HIBADH: variants seen among roughly 807,000 people sequenced by gnomAD.
The protein encoded by HIBADH is 3-hydroxyisobutyrate dehydrogenase, mitochondrial.
HIBADH carries 25 observed loss-of-function variants against 36.1 expected under a neutral mutation model. The ratio of observed to expected loss-of-function variants is 0.69; its 90% CI spans 0.50 to 0.97. The LOEUF (loss-of-function observed/expected upper bound fraction) is 0.97. HIBADH is among the 50% of genes least tolerant of loss of function. The pLI, the probability that HIBADH is intolerant of heterozygous loss-of-function variation, is 0.00. For synonymous variants in HIBADH, 160 were observed against 149.5 expected (o/e 1.07, Z -0.51); for missense variants, 421 against 418.0 (o/e 1.01, Z -0.06).
At chr7:27,552,318 G>C (rs1052635488) in intron 4 of HIBADH, among the ~76,000 whole-genome samples, 1 of 152,146 alleles carries the variant, frequency 6.6e-6, no homozygotes, top group African/African-American at 2.4e-5. Flanking sequence ...ATAACCCCTT[G>C]TTAACACTAT....
At chr7:27,527,433 G>A (rs1287500087) in intron 7 of HIBADH, among the ~76,000 whole-genome samples, 2 of 152,210 alleles carry the variant, frequency 1.3e-5, no homozygotes, top group African/African-American at 4.8e-5. Context: ...AGCTGGGGAG[G>A]AGGGAGCTGG....
intron 1 of HIBADH, among the ~76,000 whole-genome samples, chr7:27,652,893 C>G (rs1786223288): frequency 6.6e-6 from 1 of 152,128 alleles, no homozygotes; most frequent in African/African-American, 2.4e-5. Context: ...CTTTGGGAGG[C>G]CAAAGTGGGT....
rs567351621 is a variant in HIBADH, at chr7:27,622,628, C to A, written c.484+6743G>T. Among the ~76,000 whole-genome samples, 6 of 151,964 alleles carry A rather than the reference C, an allele frequency of 3.9e-5. No individual in the cohort carries two copies. In the South Asian group the frequency reaches 1.2e-3, roughly 32 times the overall value. ...CTGATACCATAGAAATACAAAAGAT[C>A]ATCAGAGACTATTATGAACTACTAT... On this transcript the variant is annotated intron_variant, in intron 4 of 7. Transcript: ENST00000265395.
intron 4 of HIBADH, among the ~76,000 whole-genome samples, chr7:27,596,475 C>G (rs949596858): frequency 6.6e-6 from 1 of 152,206 alleles, no homozygotes; most frequent in Non-Finnish European, 1.5e-5. Context: ...GATGAAAAGA[C>G]TGGCAACATC....
intron 4 of HIBADH, among the ~76,000 whole-genome samples, chr7:27,611,436 T>C (rs1052204948): frequency 1.3e-5 from 2 of 152,186 alleles, no homozygotes. Context: ...GCATTCATTA[T>C]AGACGAGAGC....
chr7:27,598,082 A>C (rs1381434857), intron 4 of HIBADH, among the ~76,000 whole-genome samples: 1 of 152,226 alleles, frequency 6.6e-6, no homozygotes, highest in Non-Finnish European at 1.5e-5. Context: ...TCAATCAAAA[A>C]TTTATTTCCA....
chr7:27,610,592 T>C (rs1315379378), intron 4 of HIBADH, among the ~76,000 whole-genome samples: 2 of 152,306 alleles, frequency 1.3e-5, no homozygotes, highest in African/African-American at 4.8e-5. Flanking sequence ...TACTGTATAA[T>C]CGAAGCACTT....
At chr7:27,574,190 G>C (rs1784669614) in intron 4 of HIBADH, among the ~76,000 whole-genome samples, 1 of 101,116 alleles carries the variant, frequency 9.9e-6, no homozygotes, top group Admixed American at 1.0e-4. Flanking sequence ...TACAGAGTTA[G>C]AAAATCTCTT....
intron 2 of HIBADH, among the ~76,000 whole-genome samples, chr7:27,641,178 C>T (rs957449659): frequency 1.4e-5 from 2 of 147,690 alleles, no homozygotes; most frequent in Non-Finnish European, 3.0e-5. Context: ...TCTTCCAATA[C>T]ATGAAACAAT....
intron 4 of HIBADH, among the ~76,000 whole-genome samples, chr7:27,545,618 T>C (rs952976971): frequency 3.9e-5 from 6 of 152,222 alleles, no homozygotes; most frequent in African/African-American, 1.4e-4. Flanking sequence ...TGACACGCCA[T>C]TTTGATTCTA....
chr7:27,633,155 GACCACGA>G (rs975776786), intron 2 of HIBADH, among the ~76,000 whole-genome samples: 2 of 152,144 alleles, frequency 1.3e-5, no homozygotes, highest in Non-Finnish European at 2.9e-5. Context: ...CTTTAATAAT[GACCACGA>G]ACATACTGCA....
At chr7:27,583,682 T>C (rs993645303) in intron 4 of HIBADH, among the ~76,000 whole-genome samples, 1 of 152,044 alleles carries the variant, frequency 6.6e-6, no homozygotes, top group Non-Finnish European at 1.5e-5. Flanking sequence ...ATTTGGGTTA[T>C]TTCCAAGGCC....
At chr7:27,532,486 C>A (rs1784016546) in intron 6 of HIBADH, among the ~76,000 whole-genome samples, 1 of 152,108 alleles carries the variant, frequency 6.6e-6, no homozygotes, top group Non-Finnish European at 1.5e-5. Context: ...ATATCATGGC[C>A]AATAAAACAT....
At chr7:27,608,914 C>T (rs987065641) in intron 4 of HIBADH, among the ~76,000 whole-genome samples, 1 of 152,108 alleles carries the variant, frequency 6.6e-6, no homozygotes, top group Admixed American at 6.5e-5. Flanking sequence ...TCCAGCATAA[C>T]CATGTAAAGA....
intron 6 of HIBADH, among the ~76,000 whole-genome samples, chr7:27,531,993 C>T (rs1171872935): frequency 6.6e-6 from 1 of 152,150 alleles, no homozygotes; most frequent in Admixed American, 6.6e-5. Context: ...AGAGTTGTGA[C>T]ATATGCTATC....
chr7:27,542,424 G>A (rs1030964817), intron 5 of HIBADH, among the ~76,000 whole-genome samples: 1 of 140,264 alleles, frequency 7.1e-6, no homozygotes, highest in Non-Finnish European at 1.5e-5. Flanking sequence ...TCCTAATAAT[G>A]AATTTTTTTT....
intron 4 of HIBADH, among the ~76,000 whole-genome samples, chr7:27,605,597 A>G: frequency 7.0e-6 from 1 of 143,276 alleles, no homozygotes; most frequent in African/African-American, 2.8e-5. Context: ...AAAAAAAAAA[A>G]AAAAAAAAAA....
intron 2 of HIBADH, among the ~76,000 whole-genome samples, chr7:27,633,561 A>AGAT (rs1785785688): frequency 6.6e-6 from 1 of 152,184 alleles, no homozygotes; most frequent in African/African-American, 2.4e-5. Context: ...TGGGAGGCTA[A>AGAT]GATGGGAGGA....
rs146317837 is a variant in HIBADH, at chr7:27,580,567, A to C, written c.485-37467T>G. On this transcript the variant is annotated intron_variant, in intron 4 of 7. Coordinates refer to ENST00000265395, the MANE Select transcript of HIBADH (RefSeq NM_152740.4). ...ATTTGATCATAAAACACAAGGAAAG[A>C]TTATTTATTAAGCTCTTCAGAGCTT... is the stretch of plus-strand genomic sequence containing the variant. Among the ~76,000 whole-genome samples, 706 of 152,316 alleles carry C rather than the reference A, an allele frequency of 4.6e-3. 11 individuals carry two copies. Among genetic ancestry groups the C allele is most frequent in the African/African-American group, 0.016 (668 of 41,572 alleles).
Sources: gnomAD v4.1 joint callset for allele counts (sites outside exome capture counted in the v4.1 genomes callset) on GRCh38, gnomAD v4.1.1 for gene constraint, MANE v1.5 for transcripts, NCBI Gene and HGNC (gene_info 2026-07-23, HGNC 2026-07-21) for gene names.